RFTN1: variants seen among roughly 807,000 people sequenced by gnomAD.
RFTN1 encodes the protein raftlin, lipid raft linker 1.
In RFTN1, 26 loss-of-function variants were observed where a neutral mutation model predicts 46.5. The ratio of observed to expected loss-of-function variants is 0.56; its 90% confidence interval spans 0.41 to 0.78. The LOEUF (loss-of-function observed/expected upper bound fraction) is 0.78, where lower values mean the gene tolerates loss of function less well. Ranked by LOEUF, RFTN1 falls within the 30% of genes least tolerant of loss-of-function variation. The pLI is 0.00. For missense variants in RFTN1, 693 were observed against 718.7 expected (o/e 0.96, Z 0.41); for synonymous variants, 261 against 284.2 (o/e 0.92, Z 0.82).
rs903809741 is a variant in RFTN1 at position 16,324,616 on chromosome 3, C to G, written c.1251-1159G>C. ...AATAAATAACAGAATGTCCCTGACC[C>G]CCCCCCTTTTAAGGTTGCATAGTAT... On this transcript the variant is annotated intron_variant, in intron 8 of 9. Transcript: ENST00000334133. Among the ~76,000 whole-genome samples the G allele has an allele frequency of 2.8e-5, 4 of 144,880 alleles. 1 individual carries two copies. The highest frequency in any genetic ancestry group is 1.0e-4 in the African/African-American group (4 of 39,260).
intron 3 of RFTN1, 63 bp from the exon 4 acceptor site, chr3:16,409,546 T>C: frequency 8.8e-7 from 1 of 1,133,344 alleles, no homozygotes; most frequent in Non-Finnish European, 1.3e-6. Flanking sequence ...GGAGACAGTC[T>C]CACTCTTGTC....
chr3:16,406,894 C>G lies in RFTN1; in HGVS notation c.441+2481G>C, dbSNP rs1392645363. On this transcript the variant is annotated intron_variant, in intron 4 of 9. Transcript: ENST00000334133. ...CTTCATAAATTATCTAATGAATCAT[C>G]AGACACACATGTGCATACACACATC... 3.9e-5 allele frequency among the ~76,000 whole-genome samples: 6 copies of G among 152,278 alleles called. No homozygotes were observed. The Middle Eastern group carries it at 0.01, about 259-fold the overall frequency.
Position 16,410,392 on chromosome 3 carries a change from G to A in RFTN1, c.333-909C>T, listed in dbSNP as rs765456782. Among the ~76,000 whole-genome samples the A allele has an allele frequency of 6.6e-6, 1 of 152,062 alleles. No individual in the cohort carries two copies. Among genetic ancestry groups the A allele is most frequent in the Non-Finnish European group, 1.5e-5 (1 of 68,020 alleles). On this transcript the variant is annotated intron_variant, in intron 3 of 9. Coordinates refer to ENST00000334133, the MANE Select transcript of RFTN1 (RefSeq NM_015150.2). This position sits in a 1 kb window ranked among gnomAD's most constrained non-coding sequence, Gnocchi z 4.6. ...GAATGGGGAAGGCTTATGTGGATGG[G>A]GATGGGGATGGGTGGTGATGGTATG...
chr3:16,431,761 TG>T lies in RFTN1; in HGVS notation c.332+2089del, dbSNP rs1169489009. 2.6e-5 allele frequency among the ~76,000 whole-genome samples: 4 copies of T among 152,212 alleles called. No individual in the cohort carries two copies. In the East Asian group the frequency reaches 7.7e-4, roughly 29 times the overall value. The stretch of plus-strand genomic sequence containing the variant: ...AAATTCTGATTTACTTACTGACTAC[TG>T]AGGGGTAAAATGGGGGAAAGGTTGA... On this transcript the variant is annotated intron_variant, in intron 3 of 9. Transcript: ENST00000334133.
chr3:16,382,842 C>T lies in RFTN1; in HGVS notation c.442-4740G>A, dbSNP rs1462331588. On this transcript the variant is annotated intron_variant, in intron 4 of 9. Transcript: ENST00000334133. This position sits in a 1 kb window ranked among gnomAD's most constrained non-coding sequence, Gnocchi z 4.7. ...CCTCATCATCTGTTGCTGGACATCA[C>T]CATGACCTCAGGCGATGCCAGGGTC... Among the ~76,000 whole-genome samples the T allele has an allele frequency of 6.6e-6, 1 of 152,206 alleles. No homozygotes were observed. The highest frequency in any genetic ancestry group is 1.5e-5 in the Non-Finnish European group (1 of 68,030).
rs2075966627 is a variant in RFTN1, at chr3:16,459,288, A to G, written c.146-25251T>C. ...ACAGAACCAGAAAGGACTAAGTAAT[A>G]TCCACAATGTGTAACAGACACCTAA... On this transcript the variant is annotated intron_variant, in intron 2 of 9. Coordinates refer to ENST00000334133, the MANE Select transcript of RFTN1 (RefSeq NM_015150.2). The surrounding 1 kb of genome is among the most constrained non-coding windows in gnomAD (Gnocchi z 4.2). Among the ~76,000 whole-genome samples, 3 of 152,204 alleles carry G rather than the reference A, an allele frequency of 2.0e-5. No homozygotes were observed. The highest frequency in any genetic ancestry group is 7.2e-5 in the African/African-American group (3 of 41,454).
intron 1 of RFTN1, among the ~76,000 whole-genome samples, chr3:16,497,292 T>C (rs921513256): frequency 2.0e-5 from 3 of 152,232 alleles, no homozygotes; most frequent in African/African-American, 7.2e-5. Flanking sequence ...GAGGATGGAA[T>C]AAAGGCAAAA....
chr3:16,447,694 T>C lies in RFTN1; in HGVS notation c.146-13657A>G, dbSNP rs562394233. Among the ~76,000 whole-genome samples, 9 of 152,340 alleles carry C rather than the reference T, an allele frequency of 5.9e-5. No homozygotes were observed. In the South Asian group the frequency reaches 1.9e-3, roughly 32 times the overall value. ...TGAGAGCCAATGGTCAGGGGGATGT[T>C]CTTCAGACTAATACAACGAAGCAAT... On this transcript the variant is annotated intron_variant, in intron 2 of 9. Coordinates refer to ENST00000334133, the MANE Select transcript of RFTN1 (RefSeq NM_015150.2). The surrounding 1 kb of genome is among the most constrained non-coding windows in gnomAD (Gnocchi z 5.9).
Position 16,363,854 on chromosome 3 carries a change from G to A in RFTN1, c.1031-5807C>T, listed in dbSNP as rs548074853. 1.1e-4 allele frequency among the ~76,000 whole-genome samples: 5 copies of A among 44,906 alleles called. No homozygotes were observed. In the East Asian group the frequency reaches 2.2e-3, roughly 20 times the overall value. The allele number at this position is 44,906 out of a possible 152,430, so 29.5% of individuals were successfully genotyped here. A position where few individuals can be genotyped will look rare whatever the true frequency, so the allele number is the denominator to read the frequency against. The stretch of plus-strand genomic sequence containing the variant: ...CACCACCTTGATTCCAGGATTCTTG[G>A]CACCACCTTGATTCCAGGATTAGCA... On this transcript the variant is annotated intron_variant, in intron 6 of 9. Coordinates refer to ENST00000334133, the MANE Select transcript of RFTN1 (RefSeq NM_015150.2).
chr3:16,456,517 A>C (rs562713515), intron 2 of RFTN1, among the ~76,000 whole-genome samples: 11 of 152,340 alleles, frequency 7.2e-5, no homozygotes, highest in African/African-American at 2.6e-4. Flanking sequence ...TATGTTAGGA[A>C]TAAGTTTATT....
In RFTN1 at chr3:16,381,423, G is replaced by A. The variant is rs1297074272; in HGVS notation, c.442-3321C>T. Among the ~76,000 whole-genome samples, 23 of 152,214 alleles carry A rather than the reference G, an allele frequency of 1.5e-4. No homozygotes were observed. The highest frequency in any genetic ancestry group is 3.1e-4 in the Non-Finnish European group (21 of 68,038). On this transcript the variant is annotated intron_variant, in intron 4 of 9. Coordinates refer to ENST00000334133, the MANE Select transcript of RFTN1 (RefSeq NM_015150.2). This position sits in a 1 kb window ranked among gnomAD's most constrained non-coding sequence, Gnocchi z 4.2. The stretch of plus-strand genomic sequence containing the variant: ...ACAATGGTGATTATTTCTGCCTGAA[G>A]GGGAGGTTGAGAAAAGTTTCTCCGA...
chr3:16,319,355 T>G (rs1248022838), intron 9 of RFTN1, among the ~76,000 whole-genome samples: 1 of 152,224 alleles, frequency 6.6e-6, no homozygotes, highest in Non-Finnish European at 1.5e-5. Flanking sequence ...CATTATAGTA[T>G]GGGTTCAAAT....
At chr3:16,462,742 T>C (rs1247979709) in intron 2 of RFTN1, among the ~76,000 whole-genome samples, 2 of 152,220 alleles carry the variant, frequency 1.3e-5, no homozygotes, top group African/African-American at 4.8e-5. Flanking sequence ...AACCACCACA[T>C]GTGTGGTAAT....
rs1203975226 is a variant in RFTN1 at position 16,341,870 on chromosome 3, T to TA, written c.1147-14995dup. Among the ~76,000 whole-genome samples, 2 of 152,144 alleles carry TA rather than the reference T, an allele frequency of 1.3e-5. No individual in the cohort carries two copies. Among genetic ancestry groups the TA allele is most frequent in the Non-Finnish European group, 2.9e-5 (2 of 68,014 alleles). Reference sequence around the variant, plus strand: ...TTTGAAGAGTATGATACCATTTTTGTAAAAAATATGCAAATATAGATAGAA... The same window carrying TA: ...TTTGAAGAGTATGATACCATTTTTGTAAAAAAATATGCAAATATAGATAGAA... On this transcript the variant is annotated intron_variant, in intron 7 of 9. Coordinates refer to ENST00000334133, the MANE Select transcript of RFTN1 (RefSeq NM_015150.2). This position sits in a 1 kb window ranked among gnomAD's most constrained non-coding sequence, Gnocchi z 4.7.
At chr3:16,482,295 T>C (rs2076379030) in intron 2 of RFTN1, among the ~76,000 whole-genome samples, 1 of 152,212 alleles carries the variant, frequency 6.6e-6, no homozygotes, top group Admixed American at 6.5e-5. Context: ...TAAGGATGAA[T>C]TGAGCTAAAG....
At position 16,446,382 on chromosome 3, in the gene RFTN1, T is replaced by G. The variant is rs1049457146; in HGVS notation, c.146-12345A>C. On this transcript the variant is annotated intron_variant, in intron 2 of 9. Coordinates refer to ENST00000334133, the MANE Select transcript of RFTN1 (RefSeq NM_015150.2). This position sits in a 1 kb window ranked among gnomAD's most constrained non-coding sequence, Gnocchi z 4.5. ...ACCGTTAGGGAAATTCACATTGTCG[T>G]GCAACCATCACCACCATCTATCTCC... Among the ~76,000 whole-genome samples the G allele has an allele frequency of 6.6e-6, 1 of 152,052 alleles. No homozygotes were observed. Among genetic ancestry groups the G allele is most frequent in the Non-Finnish European group, 1.5e-5 (1 of 68,024 alleles).
Position 16,465,443 on chromosome 3 carries a change from CA to C in RFTN1, c.145+28281del. Among the ~76,000 whole-genome samples the C allele has an allele frequency of 6.6e-6, 1 of 151,532 alleles. No individual in the cohort carries two copies. Among genetic ancestry groups the C allele is most frequent in the Non-Finnish European group, 1.5e-5 (1 of 67,976 alleles). On this transcript the variant is annotated intron_variant, in intron 2 of 9. Coordinates refer to ENST00000334133, the MANE Select transcript of RFTN1 (RefSeq NM_015150.2). This position sits in a 1 kb window ranked among gnomAD's most constrained non-coding sequence, Gnocchi z 5.1. ...GGACACACACACACACACACACACACACACACACACACCCCATGCCTGATTA... is the reference window on the plus strand; with the variant it reads ...GGACACACACACACACACACACACACCACACACACACCCCATGCCTGATTA...
At position 16,410,784 on chromosome 3, in the gene RFTN1, A is replaced by T. The variant is rs1418267766; in HGVS notation, c.333-1301T>A. ...CATAGACATCCCTGTGATACAGCAC[A>T]GTTCAAAACTGCACCCATTCAGGAG... is the stretch of plus-strand genomic sequence containing the variant. On this transcript the variant is annotated intron_variant, in intron 3 of 9. Transcript: ENST00000334133. The surrounding 1 kb of genome is among the most constrained non-coding windows in gnomAD (Gnocchi z 4.6). Among the ~76,000 whole-genome samples the T allele has an allele frequency of 6.6e-6, 1 of 152,220 alleles. No individual in the cohort carries two copies. Among genetic ancestry groups the T allele is most frequent in the East Asian group, 1.9e-4 (1 of 5,200 alleles).
chr3:16,387,390 C>T lies in RFTN1; in HGVS notation c.442-9288G>A, dbSNP rs1384733542. Among the ~76,000 whole-genome samples the T allele has an allele frequency of 6.6e-6, 1 of 151,880 alleles. No homozygotes were observed. Among genetic ancestry groups the T allele is most frequent in the Admixed American group, 6.5e-5 (1 of 15,280 alleles). On this transcript the variant is annotated intron_variant, in intron 4 of 9. Transcript: ENST00000334133. This position sits in a 1 kb window ranked among gnomAD's most constrained non-coding sequence, Gnocchi z 5.2. ...ACCACCTCCAGAGATGACTTAAAGA[C>T]AAAATCGAGGTCAGAAGCTGAGAAG... is the stretch of plus-strand genomic sequence containing the variant.
Sources: allele counts gnomAD v4.1 joint callset (sites outside exome capture counted in the v4.1 genomes callset), GRCh38; gene constraint gnomAD v4.1.1; non-coding constraint Gnocchi (gnomAD v3.1); transcripts MANE v1.5; gene names NCBI Gene and HGNC (gene_info 2026-07-23, HGNC 2026-07-21).